The following ASPHD1 variants were observed in gnomAD, a reference collection of about 807,000 sequenced individuals.
ASPHD1 encodes aspartate beta-hydroxylase domain containing 1, also known as aspartate beta-hydroxylase domain-containing protein 1.
ASPHD1 carries 20 observed loss-of-function variants against 28.3 expected under a neutral mutation model. That is an observed-to-expected ratio of 0.71 (90% CI 0.50 to 1.03). ASPHD1 has a LOEUF of 1.03. Among genes scored for constraint, ASPHD1 ranks in the 50% least tolerant of loss-of-function variants. The probability of loss-of-function intolerance (pLI) is 0.00; values close to 1 mark genes in which losing one functional copy is unlikely to be tolerated. For synonymous variants in ASPHD1, 240 were observed against 221.2 expected, an observed-to-expected ratio of 1.08 and a Z score of -0.75; for missense variants, 479 against 524.1, an observed-to-expected ratio of 0.91 and a Z score of 0.84.
Position 29,912,324 on chromosome 16 carries a change from G to A in ASPHD1, c.*62+6365G>A, listed in dbSNP as rs560446943. ...GATGCTTCTTTGCTCAGCTGTCAGC[G>A]TGGCGTGTCCGTCATGCCATTCAGA... On this transcript the variant is annotated intron_variant and NMD_transcript_variant, in intron 3 of 3. Coordinates refer to the ASPHD1 transcript ENST00000414952. 163 of 531,618 alleles carry A rather than the reference G, an allele frequency of 3.1e-4. No individual in the cohort carries two copies. In the Middle Eastern group the frequency reaches 3.9e-3, roughly 13 times the overall value. 32.9% of individuals were successfully genotyped at this position (531,618 alleles called of 1,614,324 possible). A position where few individuals can be genotyped will look rare whatever the true frequency, so the allele number is the denominator to read the frequency against.
intron 3 of ASPHD1, chr16:29,911,841 G>A: frequency 1.9e-6 from 3 of 1,612,712 alleles, no homozygotes; most frequent in East Asian, 2.2e-5. Context: ...TGTTGTTACT[G>A]CGGTTGTGCA....
downstream of ASPHD1, among the ~76,000 whole-genome samples, chr16:29,910,117 A>AG (rs2068680296): frequency 6.7e-6 from 1 of 148,990 alleles, no homozygotes; most frequent in Non-Finnish European, 1.5e-5. Flanking sequence ...AAAAAAAAAT[A>AG]GGCTGGGGGC....
intron 3 of ASPHD1, among the ~76,000 whole-genome samples, chr16:29,919,073 C>T (rs1299072362): frequency 6.6e-6 from 1 of 152,186 alleles, no homozygotes; most frequent in Non-Finnish European, 1.5e-5. Context: ...GGATTATAGG[C>T]GTGAGCCACC....
At chr16:29,902,875 GATTTT>G (rs1465258273) in intron 1 of ASPHD1, among the ~76,000 whole-genome samples, 2 of 131,726 alleles carry the variant, frequency 1.5e-5, no homozygotes, top group East Asian at 4.5e-4. Context: ...ACCAAACTGA[GATTTT>G]TTCTTTTTCT....
chr16:29,916,447 T>G (rs1165405140), intron 3 of ASPHD1, among the ~76,000 whole-genome samples: 1 of 152,206 alleles, frequency 6.6e-6, no homozygotes, highest in Non-Finnish European at 1.5e-5. Flanking sequence ...CCTTCCAGCT[T>G]CTTCCCACTT....
chr16:29,909,050 G>C (rs1032046948), downstream of ASPHD1, among the ~76,000 whole-genome samples: 7 of 151,168 alleles, frequency 4.6e-5, no homozygotes, highest in South Asian at 4.2e-4. Context: ...CTGGGTCACT[G>C]ATTCATTCAT....
In ASPHD1 at chr16:29,901,874, C is replaced by A. The variant is rs992889904; in HGVS notation, c.903C>A (p.Leu301=). 19 of 1,530,166 alleles carry A rather than the reference C, an allele frequency of 1.2e-5. No individual in the cohort carries two copies. The highest frequency in any genetic ancestry group is 8.4e-5 in the African/African-American group (6 of 71,508). The allele number at this position is 1,530,166 out of a possible 1,614,324, so 94.8% of individuals were successfully genotyped here. ...GFSVLLPGAR[L]EGRCGPTNAR... is the part of the protein sequence containing the mutation. ...CCGTTCTCCTGCCTGGGGCCCGGCTCGAGGGCCGCTGTGGGCCCACCAATG... is the reference window on the plus strand; with the variant it reads ...CCGTTCTCCTGCCTGGGGCCCGGCTAGAGGGCCGCTGTGGGCCCACCAATG... Residue 301 remains leucine, a synonymous_variant, in exon 1 of 3, where the codon CTC becomes CTA. Coordinates refer to ENST00000308748, the MANE Select transcript of ASPHD1 (RefSeq NM_181718.4). This position sits in a 1 kb window ranked among gnomAD's most constrained non-coding sequence, Gnocchi z 5.1.
rs2068606002 is a variant in ASPHD1 at position 29,905,971 on chromosome 16, C to T, written c.*74C>T. The T allele has an allele frequency of 1.0e-6, 1 of 999,782 alleles. No homozygotes were observed. Among genetic ancestry groups the T allele is most frequent in the Non-Finnish European group, 1.5e-6 (1 of 666,078 alleles). 61.9% of individuals were successfully genotyped at this position (999,782 alleles called of 1,614,324 possible). ...GGGACGGCTTGATGGTAGCCAGGAC[C>T]TCCTCTCTACTGCGGGGGTGGGCGG... On this transcript the variant is annotated 3_prime_UTR_variant, in exon 3 of 3. Transcript: ENST00000308748.
Position 29,900,640 on chromosome 16 carries a change from A to C in ASPHD1, c.-332A>C. ...CAGGCAGGACCGCAGGGTCGGGGCTAGTGAGGAGCGAGGGCAAGGAGAGAG... is the reference window on the plus strand; with the variant it reads ...CAGGCAGGACCGCAGGGTCGGGGCTCGTGAGGAGCGAGGGCAAGGAGAGAG... On this transcript the variant is annotated 5_prime_UTR_variant, in exon 1 of 3. Transcript: ENST00000308748. 2 of 392,494 alleles carry C rather than the reference A, an allele frequency of 5.1e-6. No homozygotes were observed. Among genetic ancestry groups the C allele is most frequent in the Non-Finnish European group, 9.3e-6 (2 of 214,122 alleles). 24.3% of individuals were successfully genotyped at this position (392,494 alleles called of 1,614,324 possible).
chr16:29,901,851 G>A lies in ASPHD1; in HGVS notation c.880G>A (p.Val294Ile). Residue 294 changes from valine (V) to isoleucine (I), a missense_variant, in exon 1 of 3, where the codon GTT becomes ATT. Val to Ile is a conservative substitution (Grantham distance 29). Coordinates refer to ENST00000308748, the MANE Select transcript of ASPHD1 (RefSeq NM_181718.4). The surrounding 1 kb of genome is among the most constrained non-coding windows in gnomAD (Gnocchi z 5.1). ...CACCTTCGGCAATGCCGGCTTTTCC[G>A]TTCTCCTGCCTGGGGCCCGGCTCGA... ...ANTFGNAGFSVLLPGARLEGR... is the reference protein window; with the variant it reads ...ANTFGNAGFSILLPGARLEGR... 1 of 1,543,524 alleles carries A rather than the reference G, an allele frequency of 6.5e-7. No homozygotes were observed. The highest frequency in any genetic ancestry group is 8.7e-7 in the Non-Finnish European group (1 of 1,145,800).
At chr16:29,907,754 C>CTG (rs1325073698), downstream of ASPHD1, among the ~76,000 whole-genome samples, 1 of 151,918 alleles carries the variant, frequency 6.6e-6, no homozygotes, top group African/African-American at 2.4e-5. Flanking sequence ...TACCACTGCA[C>CTG]TCCAACCTGG....
At chr16:29,911,963 G>A in intron 3 of ASPHD1, 1 of 1,611,418 alleles carries the variant, frequency 6.2e-7, no homozygotes, top group Non-Finnish European at 8.5e-7. Flanking sequence ...GCCTCACCTT[G>A]GAGGTGCTGG....
chr16:29,911,779 A>T, intron 3 of ASPHD1: 1 of 1,609,678 alleles, frequency 6.2e-7, no homozygotes, highest in Non-Finnish European at 8.5e-7. Context: ...GCTGCATCCC[A>T]GGGTCCCGCC....
chr16:29,913,345 G>A (rs2068750668), intron 3 of ASPHD1: 1 of 152,096 alleles, frequency 6.6e-6, no homozygotes, highest in Non-Finnish European at 1.5e-5. Flanking sequence ...TTCGGGCACA[G>A]AAACAAAAAT....
At chr16:29,911,203 C>T (rs761739802) in intron 3 of ASPHD1, 63 of 1,577,308 alleles carry the variant, frequency 4.0e-5, no homozygotes, top group Middle Eastern at 1.7e-4. Flanking sequence ...GAGGCCTCAG[C>T]GCAGTTGGCA....
At chr16:29,906,974 CT>C, downstream of ASPHD1, 1 of 1,614,214 alleles carries the variant, frequency 6.2e-7, no homozygotes, top group Non-Finnish European at 8.5e-7. Context: ...TCTCTTCATC[CT>C]CCCCGCGGCC....
At chr16:29,907,999 G>A (rs2068642391), downstream of ASPHD1, among the ~76,000 whole-genome samples, 2 of 151,602 alleles carry the variant, frequency 1.3e-5, no homozygotes, top group African/African-American at 4.8e-5. Flanking sequence ...AAAAGAGAGA[G>A]AGAGAGAAAG....
rs548471428 is a variant in ASPHD1, at chr16:29,904,735, G to A, written c.950-117G>A. 290 of 611,284 alleles carry A rather than the reference G, an allele frequency of 4.7e-4. 1 individual carries two copies. The highest frequency in any genetic ancestry group is 2.4e-3 in the South Asian group (115 of 47,174). The allele number at this position is 611,284 out of a possible 1,614,324, so 37.9% of individuals were successfully genotyped here. ...CTGTGGCCACTTTCTGGAAAGAAAG[G>A]AGGATGACCACAAAACCTGGCATTT... On this transcript the variant is annotated intron_variant, in intron 1 of 2. Transcript: ENST00000308748.
chr16:29,904,970 C>T lies in ASPHD1; in HGVS notation c.1063+5C>T, dbSNP rs201685863. ...TACACACAGTGGCTCACAATGGTAA[C>T]GGGGTGCCCATTCTGCAGGGGGGAT... On this transcript the variant is annotated splice_donor_5th_base_variant and intron_variant, in intron 2 of 2. Coordinates refer to ENST00000308748, the MANE Select transcript of ASPHD1 (RefSeq NM_181718.4). The T allele has an allele frequency of 9.0e-5, 145 of 1,606,312 alleles. No homozygotes were observed. Among genetic ancestry groups the T allele is most frequent in the Non-Finnish European group, 1.2e-4 (143 of 1,174,246 alleles).
Sources: gnomAD v4.1 joint callset for allele counts (sites outside exome capture counted in the v4.1 genomes callset) on GRCh38, gnomAD v4.1.1 for gene constraint, Gnocchi (gnomAD v3.1) non-coding constraint, MANE v1.5 for transcripts, NCBI Gene and HGNC (gene_info 2026-07-23, HGNC 2026-07-21) for gene names.